FBXL5: variants seen among roughly 807,000 people sequenced by gnomAD.
The protein encoded by FBXL5 is F-box/LRR-repeat protein 5.
FBXL5 carries 26 observed loss-of-function variants against 78.3 expected under a neutral mutation model. The ratio of observed to expected loss-of-function variants is 0.33; its 90% CI spans 0.24 to 0.46. The LOEUF is 0.46. Ranked by LOEUF, FBXL5 falls within the 20% of genes least tolerant of loss-of-function variation. FBXL5 has a pLI of 1.00. For synonymous variants in FBXL5, 295 were observed against 282.5 expected (o/e 1.04, Z -0.45); for missense variants, 710 against 829.2 (o/e 0.86, Z 1.77).
intron 1 of FBXL5, among the ~76,000 whole-genome samples, chr4:15,665,230 C>A (rs941541819): frequency 6.6e-6 from 1 of 152,066 alleles, no homozygotes; most frequent in Non-Finnish European, 1.5e-5. Flanking sequence ...GTTCCAGTGG[C>A]GGGTTGTTTC....
At chr4:15,606,818 A>G (rs1721917106) in intron 10 of FBXL5, among the ~76,000 whole-genome samples, 1 of 152,220 alleles carries the variant, frequency 6.6e-6, no homozygotes, top group South Asian at 2.1e-4. Context: ...GAAAAATCAC[A>G]GTACTCTGGG....
At chr4:15,621,224 CA>C (rs200841758) in intron 9 of FBXL5, among the ~76,000 whole-genome samples, 2 of 151,204 alleles carry the variant, frequency 1.3e-5, no homozygotes, top group African/African-American at 2.4e-5. Context: ...AATGAATTCA[CA>C]AAAAAAATGT....
At chr4:15,679,065 T>A (rs1321301264) in intron 1 of FBXL5, among the ~76,000 whole-genome samples, 1 of 44,348 alleles carries the variant, frequency 2.3e-5, no homozygotes, top group East Asian at 1.5e-3. Context: ...AAATCTCTAT[T>A]TTTTTTTTTT....
intron 1 of FBXL5, among the ~76,000 whole-genome samples, chr4:15,680,002 C>T (rs1035438591): frequency 6.6e-6 from 1 of 152,098 alleles, no homozygotes; most frequent in Non-Finnish European, 1.5e-5. Context: ...TGTCCACCTA[C>T]GCGTGATTTA....
chr4:15,673,114 T>C (rs911118425), intron 1 of FBXL5, among the ~76,000 whole-genome samples: 2 of 152,082 alleles, frequency 1.3e-5, no homozygotes, highest in Non-Finnish European at 2.9e-5. Context: ...CGGTTAACTT[T>C]TGAAAATATA....
intron 1 of FBXL5, among the ~76,000 whole-genome samples, chr4:15,645,370 A>G (rs1254055987): frequency 6.6e-6 from 1 of 152,192 alleles, no homozygotes; most frequent in African/African-American, 2.4e-5. Context: ...CACATTCTCT[A>G]GGATGGGATA....
Position 15,612,311 on chromosome 4 carries a change from G to C in FBXL5, c.1954C>G (p.Pro652Ala). The C allele has an allele frequency of 6.2e-6, 10 of 1,612,158 alleles. No homozygotes were observed. The highest frequency in any genetic ancestry group is 1.7e-5 in the Admixed American group (1 of 59,694). Residue 652 changes from proline to alanine, a missense_variant, in exon 10 of 11, where the codon CCT (proline) becomes GCT (alanine). Coordinates refer to ENST00000341285, the MANE Select transcript of FBXL5 (RefSeq NM_012161.4). ...AGLQDLVSAC[P>A]SLNDEYFYYC... The stretch of plus-strand genomic sequence containing the variant: ...TAAAAGTATTCATCATTCAGAGAAG[G>C]ACATGCTGAAACCAAATCCTGCAGG...
chr4:15,666,624 TAACTA>T, intron 1 of FBXL5, among the ~76,000 whole-genome samples: 1 of 151,678 alleles, frequency 6.6e-6, no homozygotes, highest in Non-Finnish European at 1.5e-5. Context: ...TATTTCAAAA[TAACTA>T]AGAGAAGCCT....
chr4:15,679,187 T>A (rs1483542867), intron 1 of FBXL5, among the ~76,000 whole-genome samples: 1 of 151,396 alleles, frequency 6.6e-6, no homozygotes, highest in African/African-American at 2.4e-5. Context: ...CTCAGCCTCC[T>A]GAGTAGCTGG....
chr4:15,630,743 T>C lies in FBXL5; in HGVS notation c.815A>G (p.Asp272Gly). ...PATELDTEPD[D>G]EWVKNRKDES... ...ATCTTTCCTATTTTTCACCCATTCATCATCAGGTTCAGTATCAAGTTCAGT... is the reference window on the plus strand; with the variant it reads ...ATCTTTCCTATTTTTCACCCATTCACCATCAGGTTCAGTATCAAGTTCAGT... The change falls in exon 6 of 11, where the codon GAT becomes GGT. Residue 272 changes from aspartate (D) to glycine (G), a missense_variant. Transcript: ENST00000341285. 6.2e-7 allele frequency: 1 copy of C among 1,610,510 alleles called. No homozygotes were observed. Among genetic ancestry groups the C allele is most frequent in the Non-Finnish European group, 8.5e-7 (1 of 1,178,974 alleles).
intron 1 of FBXL5, among the ~76,000 whole-genome samples, chr4:15,648,136 C>T (rs1715564562): frequency 6.6e-6 from 1 of 152,152 alleles, no homozygotes; most frequent in Non-Finnish European, 1.5e-5. Flanking sequence ...AGATTATAGG[C>T]ACAAGCCACT....
chr4:15,641,096 A>C (rs564229540), intron 2 of FBXL5, among the ~76,000 whole-genome samples: 2 of 152,258 alleles, frequency 1.3e-5, no homozygotes, highest in East Asian at 1.9e-4. Flanking sequence ...TTTTTAAAAT[A>C]TCATAAAAAG....
intron 1 of FBXL5, among the ~76,000 whole-genome samples, chr4:15,675,291 T>C (rs532220932): frequency 5.3e-5 from 8 of 151,942 alleles, no homozygotes; most frequent in Non-Finnish European, 8.8e-5. Context: ...AAGTAGAAAT[T>C]AATATGGGAA....
intron 1 of FBXL5, among the ~76,000 whole-genome samples, chr4:15,668,042 T>TAAAA (rs36082259): frequency 7.5e-6 from 1 of 132,480 alleles, no homozygotes; most frequent in Non-Finnish European, 1.6e-5. Flanking sequence ...ACTCTATCTC[T>TAAAA]AAAAAAAAAA....
intron 6 of FBXL5, among the ~76,000 whole-genome samples, chr4:15,628,608 A>C (rs530429663): frequency 5.9e-5 from 9 of 152,304 alleles, no homozygotes; most frequent in African/African-American, 2.2e-4. Context: ...CTAAAGACCA[A>C]TTTGAATGTC....
intron 8 of FBXL5, among the ~76,000 whole-genome samples, 199 bp from the exon 9 acceptor site, chr4:15,626,176 A>G (rs1402361070): frequency 6.6e-6 from 1 of 152,208 alleles, no homozygotes. Context: ...AAGGAAGTCA[A>G]AGTATTCCTA....
chr4:15,655,655 C>G (rs919839478), upstream of FBXL5, among the ~76,000 whole-genome samples: 5 of 152,214 alleles, frequency 3.3e-5, no homozygotes, highest in African/African-American at 4.8e-5. Context: ...GCGCTTCTCC[C>G]GTTGCTGCCC....
intron 9 of FBXL5, among the ~76,000 whole-genome samples, chr4:15,621,996 T>G (rs73239193): frequency 0.091 from 13,906 of 152,176 alleles, 778 homozygotes; most frequent in Non-Finnish European, 0.13. Context: ...GCCTAACTGA[T>G]TTTTGTTTTT....
chr4:15,662,983 G>A (rs888359840), upstream of FBXL5, among the ~76,000 whole-genome samples: 4 of 152,288 alleles, frequency 2.6e-5, no homozygotes, highest in Admixed American at 2.0e-4. Context: ...TGCAGGGTAA[G>A]CAATGAGTAA....
Sources: gnomAD v4.1 joint callset for allele counts (sites outside exome capture counted in the v4.1 genomes callset) on GRCh38, gnomAD v4.1.1 for gene constraint, MANE v1.5 for transcripts, NCBI Gene and HGNC (gene_info 2026-07-23, HGNC 2026-07-21) for gene names.